PM20D2: variants seen among roughly 807,000 people sequenced by gnomAD.
PM20D2 encodes peptidase M20 domain containing 2.
Under a neutral mutation model 42.9 loss-of-function variants are expected in PM20D2, and 33 were observed. The observed-to-expected ratio is 0.77, with a 90% confidence interval of 0.58 to 1.03. PM20D2 has a LOEUF of 1.03. Among genes scored for constraint, PM20D2 ranks in the 50% least tolerant of loss-of-function variants. The probability of loss-of-function intolerance (pLI) is 0.00; values close to 1 mark genes in which losing one functional copy is unlikely to be tolerated. For synonymous variants in PM20D2, 250 were observed against 228.2 expected (o/e 1.10, Z -0.86); for missense variants, 548 against 557.0 (o/e 0.98, Z 0.16).
chr6:89,141,115 A>G (rs985492822), upstream of PM20D2, among the ~76,000 whole-genome samples: 4 of 151,542 alleles, frequency 2.6e-5, no homozygotes, highest in African/African-American at 9.7e-5. Context: ...AACTGCATCT[A>G]CCTCCTCTCC....
chr6:89,106,951 T>G, the PM20D2 span: 2 of 617,434 alleles, frequency 3.2e-6, no homozygotes, highest in Non-Finnish European at 6.0e-6. Flanking sequence ...CCTGCTGGGT[T>G]TATGCTTGGA....
the PM20D2 span, chr6:89,098,812 G>C: frequency 1.2e-6 from 2 of 1,613,896 alleles, no homozygotes; most frequent in South Asian, 2.2e-5. Context: ...TCTTTTGTAA[G>C]GACTTGGACC....
At chr6:89,131,491 C>T in the PM20D2 span, among the ~76,000 whole-genome samples, 1 of 151,796 alleles carries the variant, frequency 6.6e-6, no homozygotes, top group African/African-American at 2.4e-5. Context: ...AGTACAAGAC[C>T]AGCCTCGGCA....
At chr6:89,149,575 C>T (rs914570594) in intron 2 of PM20D2, among the ~76,000 whole-genome samples, 162 bp downstream of exon 2, 3 of 152,206 alleles carry the variant, frequency 2.0e-5, no homozygotes, top group African/African-American at 7.2e-5. Context: ...TGGCAAGCCT[C>T]TTCTAATTGA....
the PM20D2 span, among the ~76,000 whole-genome samples, chr6:89,095,146 A>G: frequency 5.1e-4 from 77 of 152,278 alleles, 1 homozygote; most frequent in South Asian, 0.015. Context: ...TAAGTAACAT[A>G]TATCTATCTA....
At chr6:89,130,819 C>CTTTTTTTTTTTTTTTTTT in the PM20D2 span, among the ~76,000 whole-genome samples, 12 of 24,056 alleles carry the variant, frequency 5.0e-4, no homozygotes, top group African/African-American at 1.3e-3. Flanking sequence ...GCTTCTTCTT[C>CTTTTTTTTTTTTTTTTTT]TTTTTTTTTT....
At chr6:89,111,936 G>A in the PM20D2 span, among the ~76,000 whole-genome samples, 9 of 152,232 alleles carry the variant, frequency 5.9e-5, no homozygotes, top group South Asian at 1.9e-3. Context: ...CCTTTATGCA[G>A]TACAAAAGCA....
At chr6:89,130,795 T>C in the PM20D2 span, among the ~76,000 whole-genome samples, 1 of 150,470 alleles carries the variant, frequency 6.6e-6, no homozygotes, top group Non-Finnish European at 1.5e-5. Context: ...ACAGAATGTA[T>C]TCTTTTGTAT....
chr6:89,107,233 C>G, the PM20D2 span: 1 of 1,613,978 alleles, frequency 6.2e-7, no homozygotes, highest in Non-Finnish European at 8.5e-7. Flanking sequence ...CCATATCGAC[C>G]AAACTCACGG....
chr6:89,155,689 G>A (rs1201639200), intron 4 of PM20D2, among the ~76,000 whole-genome samples: 10 of 151,846 alleles, frequency 6.6e-5, no homozygotes, highest in Admixed American at 6.6e-4. Flanking sequence ...TTAGTTAAGA[G>A]GTTTTATTGA....
the PM20D2 span, chr6:89,117,893 C>A: frequency 1.9e-6 from 3 of 1,560,696 alleles, no homozygotes; most frequent in Non-Finnish European, 1.7e-6. Flanking sequence ...GACATGACCG[C>A]TTCCTCCGTT....
At chr6:89,147,973 TAC>T (rs1770660129) in intron 1 of PM20D2, among the ~76,000 whole-genome samples, 1 of 129,722 alleles carries the variant, frequency 7.7e-6, no homozygotes, top group Admixed American at 9.3e-5. Flanking sequence ...TTGAGAAATG[TAC>T]ACTCTTTTTT....
At chr6:89,159,071 G>A (rs963751464) in intron 5 of PM20D2, among the ~76,000 whole-genome samples, 1 of 152,082 alleles carries the variant, frequency 6.6e-6, no homozygotes, top group South Asian at 2.1e-4. Flanking sequence ...GTAAGAGGGG[G>A]TTGTTATAAA....
rs981045927 is a variant in PM20D2 at position 89,146,421 on chromosome 6, C to G, written c.277C>G (p.Pro93Ala). 14 of 1,523,580 alleles carry G rather than the reference C, an allele frequency of 9.2e-6. No homozygotes were observed. The highest frequency in any genetic ancestry group is 1.2e-5 in the Non-Finnish European group (14 of 1,142,626). The allele number at this position is 1,523,580 out of a possible 1,614,324, so 94.4% of individuals were successfully genotyped here. A position where few individuals can be genotyped will look rare whatever the true frequency, so the allele number is the denominator to read the frequency against. The change falls in exon 1 of 7, where the codon CCG becomes GCG. Residue 93 changes from proline to alanine, a missense_variant. This residue lies in a region of PM20D2 where 470 missense variants were observed against 464.4 expected (regional missense o/e 1.01). Coordinates refer to ENST00000275072, the MANE Select transcript of PM20D2 (RefSeq NM_001010853.3). ...LPTAFRAEWE[P>A]PEARAPSATP... ...CACGGCCTTCCGCGCCGAGTGGGAG[C>G]CGCCGGAGGCCCGGGCACCGAGCGC...
chr6:89,094,286 C>G, the PM20D2 span, among the ~76,000 whole-genome samples: 5 of 150,770 alleles, frequency 3.3e-5, no homozygotes, highest in Non-Finnish European at 7.4e-5. Context: ...GCAGTGGCAC[C>G]ATCTTGGTTC....
At chr6:89,100,025 A>G in the PM20D2 span, among the ~76,000 whole-genome samples, 1 of 152,176 alleles carries the variant, frequency 6.6e-6, no homozygotes, top group Non-Finnish European at 1.5e-5. Flanking sequence ...TAAGCTGAAG[A>G]GAGAAAAGTT....
the PM20D2 span, among the ~76,000 whole-genome samples, chr6:89,117,206 C>A: frequency 6.6e-6 from 1 of 152,298 alleles, no homozygotes; most frequent in East Asian, 1.9e-4. Flanking sequence ...GGTGTTAATA[C>A]TGGACTCAGA....
chr6:89,144,984 C>T (rs1340573929), upstream of PM20D2, among the ~76,000 whole-genome samples: 3 of 152,166 alleles, frequency 2.0e-5, no homozygotes, highest in East Asian at 3.8e-4. Context: ...TGATAGTCTT[C>T]GTGCATGTTA....
the PM20D2 span, among the ~76,000 whole-genome samples, chr6:89,128,734 C>T: frequency 6.6e-6 from 1 of 152,196 alleles, no homozygotes; most frequent in Non-Finnish European, 1.5e-5. Context: ...GATGCCACCC[C>T]CGGTGGCCCA....
Sources: gnomAD v4.1 joint callset for allele counts (sites outside exome capture counted in the v4.1 genomes callset) on GRCh38, gnomAD v4.1.1 for gene constraint, gnomAD v4.1.1 regional missense constraint, MANE v1.5 for transcripts, NCBI Gene and HGNC (gene_info 2026-07-23, HGNC 2026-07-21) for gene names.